TMEM178B: variants seen among roughly 807,000 people sequenced by gnomAD.
The protein encoded by TMEM178B is transmembrane protein 178B.
TMEM178B carries 5 observed loss-of-function variants against 31.0 expected under a neutral mutation model. The ratio of observed to expected loss-of-function variants is 0.16; its 90% CI spans 0.08 to 0.34. The LOEUF is 0.34. Among genes scored for constraint, TMEM178B ranks in the 10% least tolerant of loss-of-function variants. The pLI is 1.00. For missense variants in TMEM178B, 275 were observed against 400.3 expected (o/e 0.69, Z 2.67); for synonymous variants, 164 against 164.0 (o/e 1.00, Z 0.00).
intron 1 of TMEM178B, among the ~76,000 whole-genome samples, chr7:141,196,932 A>G (rs1378901759): frequency 6.6e-6 from 1 of 152,170 alleles, no homozygotes; most frequent in African/African-American, 2.4e-5. Flanking sequence ...GGATGGGGTG[A>G]GATGCCAGCA....
In TMEM178B at chr7:141,366,194, A is replaced by T. The variant is rs189219999; in HGVS notation, c.497-71414A>T. On this transcript the variant is annotated intron_variant, in intron 2 of 3. Transcript: ENST00000565468. ...AAGCTTGTAGCATTTATTATTAATA[A>T]CCTGTTTACTGGATCCCTGGAGACC... is the stretch of plus-strand genomic sequence containing the variant. 1.9e-3 allele frequency among the ~76,000 whole-genome samples: 289 copies of T among 152,262 alleles called. 1 individual carries two copies. The highest frequency in any genetic ancestry group is 3.3e-3 in the Non-Finnish European group (222 of 68,014).
At chr7:141,442,205 A>AC (rs1247554339) in intron 3 of TMEM178B, among the ~76,000 whole-genome samples, 1 of 152,000 alleles carries the variant, frequency 6.6e-6, no homozygotes, top group African/African-American at 2.4e-5. Context: ...CGTATGCCCT[A>AC]CCCCATCAAG....
intron 1 of TMEM178B, among the ~76,000 whole-genome samples, chr7:141,164,729 C>CT (rs919143468): frequency 2.0e-5 from 3 of 152,106 alleles, no homozygotes; most frequent in African/African-American, 7.2e-5. Flanking sequence ...GGTGATTTCT[C>CT]TTTTTCATAA....
chr7:141,351,483 G>A (rs1332139494), intron 2 of TMEM178B, among the ~76,000 whole-genome samples: 1 of 152,226 alleles, frequency 6.6e-6, no homozygotes, highest in Non-Finnish European at 1.5e-5. Context: ...AGGTGTGCAA[G>A]GACAAGGTTA....
chr7:141,426,062 A>G (rs1801311067), intron 2 of TMEM178B, among the ~76,000 whole-genome samples: 1 of 152,264 alleles, frequency 6.6e-6, no homozygotes, highest in Admixed American at 6.5e-5. Flanking sequence ...TGTAGACAAT[A>G]AAAACTATGT....
chr7:141,110,985 T>G lies in TMEM178B; in HGVS notation c.382+36293T>G, dbSNP rs932368527. On this transcript the variant is annotated intron_variant, in intron 1 of 3. Coordinates refer to ENST00000565468, the MANE Select transcript of TMEM178B (RefSeq NM_001195278.2). The stretch of plus-strand genomic sequence containing the variant: ...ACCAAATGCTGCTGGAACCTTGATC[T>G]CAGACTTCCAGAAATGAGAGGAAGT... Among the ~76,000 whole-genome samples the G allele has an allele frequency of 5.9e-5, 9 of 152,228 alleles. 1 individual carries two copies. The highest frequency in any genetic ancestry group is 1.3e-4 in the Non-Finnish European group (9 of 68,034).
intron 1 of TMEM178B, among the ~76,000 whole-genome samples, chr7:141,178,772 C>G (rs912128408): frequency 4.6e-5 from 7 of 152,140 alleles, no homozygotes; most frequent in African/African-American, 1.7e-4. Context: ...CACAGACAAC[C>G]TCTTGGCTGC....
chr7:141,506,417 C>A, the TMEM178B span, among the ~76,000 whole-genome samples: 1 of 152,128 alleles, frequency 6.6e-6, no homozygotes, highest in African/African-American at 2.4e-5. Context: ...TGGCAGGAGG[C>A]AAAAGGCACT....
intron 3 of TMEM178B, among the ~76,000 whole-genome samples, chr7:141,441,284 C>T (rs1303318016): frequency 6.6e-6 from 1 of 152,216 alleles, no homozygotes; most frequent in African/African-American, 2.4e-5. Context: ...TCAGCACCAC[C>T]CCTCTCAGAA....
intron 2 of TMEM178B, among the ~76,000 whole-genome samples, chr7:141,385,041 T>C (rs1482747146): frequency 2.0e-5 from 3 of 152,228 alleles, no homozygotes; most frequent in African/African-American, 7.2e-5. Flanking sequence ...ACATTTGTTA[T>C]GTACCCCTGA....
At chr7:141,314,894 A>G (rs1486779429) in intron 2 of TMEM178B, among the ~76,000 whole-genome samples, 1 of 152,200 alleles carries the variant, frequency 6.6e-6, no homozygotes, top group Non-Finnish European at 1.5e-5. Context: ...CCAGCAGAAT[A>G]TGGACCAGAT....
chr7:141,323,155 G>A (rs1799130705), intron 2 of TMEM178B, among the ~76,000 whole-genome samples: 1 of 152,160 alleles, frequency 6.6e-6, no homozygotes, highest in Non-Finnish European at 1.5e-5. Flanking sequence ...CTTGGTAAAT[G>A]TTAAAGAGAA....
chr7:141,215,337 A>ATTATTATTATTATTATT (rs55726735), intron 2 of TMEM178B, among the ~76,000 whole-genome samples: 14,255 of 141,240 alleles, frequency 0.1, 987 homozygotes, highest in Non-Finnish European at 0.15. Flanking sequence ...TATTATTATT[A>ATTATTATTATTATTATT]TTTTTTGAGA....
At chr7:141,418,700 A>T (rs1351156762) in intron 2 of TMEM178B, among the ~76,000 whole-genome samples, 1 of 152,060 alleles carries the variant, frequency 6.6e-6, no homozygotes, top group African/African-American at 2.4e-5. Context: ...TTTATGTTCC[A>T]TCTCTCGAAA....
chr7:141,137,337 T>C (rs111318666), intron 1 of TMEM178B, among the ~76,000 whole-genome samples: 7,307 of 152,122 alleles, frequency 0.048, 615 homozygotes, highest in African/African-American at 0.17. Flanking sequence ...GATGAATAGA[T>C]AAAGGAAATG....
At chr7:141,254,072 G>T (rs1797881703) in intron 2 of TMEM178B, among the ~76,000 whole-genome samples, 1 of 152,172 alleles carries the variant, frequency 6.6e-6, no homozygotes, top group East Asian at 1.9e-4. Context: ...TCAAAAGTGG[G>T]GCTTGCCTGG....
At chr7:141,189,660 A>C (rs190009353) in intron 1 of TMEM178B, among the ~76,000 whole-genome samples, 77 of 152,362 alleles carry the variant, frequency 5.1e-4, no homozygotes, top group African/African-American at 1.8e-3. Context: ...AGGTCAGGGC[A>C]GAGTTCGTGG....
At chr7:141,124,917 G>A (rs910538703) in intron 1 of TMEM178B, among the ~76,000 whole-genome samples, 4 of 152,076 alleles carry the variant, frequency 2.6e-5, no homozygotes, top group African/African-American at 7.2e-5. Flanking sequence ...TCACCAAACA[G>A]AATCAAAAGA....
rs370866020 is a variant in TMEM178B, at chr7:141,452,463, C to T, written c.634+14718C>T. On this transcript the variant is annotated intron_variant, in intron 3 of 3. Coordinates refer to ENST00000565468, the MANE Select transcript of TMEM178B (RefSeq NM_001195278.2). The stretch of plus-strand genomic sequence containing the variant: ...TTACCTGAGTCATCTTCCAGTTTTC[C>T]GTTTTCACCCTTACCTTTCCATCAA... 2.6e-5 allele frequency among the ~76,000 whole-genome samples: 4 copies of T among 152,282 alleles called. No homozygotes were observed. The East Asian group carries it at 5.8e-4, about 22-fold the overall frequency.
Sources: allele counts gnomAD v4.1 joint callset (sites outside exome capture counted in the v4.1 genomes callset), GRCh38; gene constraint gnomAD v4.1.1; transcripts MANE v1.5; gene names NCBI Gene and HGNC (gene_info 2026-07-23, HGNC 2026-07-21).